The following PTN variants were observed in gnomAD, a reference collection of about 807,000 sequenced individuals.
PTN encodes the protein heparin affin regulatory protein.
Under a neutral mutation model 24.1 loss-of-function variants are expected in PTN, and 18 were observed. The ratio of observed to expected loss-of-function variants is 0.75; its 90% CI spans 0.52 to 1.11. The LOEUF (loss-of-function observed/expected upper bound fraction) is 1.11. Ranked by LOEUF, PTN falls within the 50% of genes least tolerant of loss-of-function variation. The pLI is 0.00. For missense variants in PTN, 163 were observed against 198.8 expected (o/e 0.82, Z 1.08); for synonymous variants, 78 against 68.6 (o/e 1.14, Z -0.67).
At chr7:137,255,027 G>A (rs1808896819) in intron 1 of PTN, 53 bp from the exon 2 acceptor site, 3 of 1,310,944 alleles carry the variant, frequency 2.3e-6, no homozygotes, top group East Asian at 2.4e-5. Flanking sequence ...AGTCAGAAAG[G>A]AAGATTCATT....
intron 1 of PTN, among the ~76,000 whole-genome samples, chr7:137,262,231 T>C (rs1809052924): frequency 6.6e-6 from 1 of 152,198 alleles, no homozygotes; most frequent in Non-Finnish European, 1.5e-5. Flanking sequence ...TTTGCTTATT[T>C]TCAATATTTG....
At chr7:137,264,804 T>C (rs1057478182) in intron 1 of PTN, among the ~76,000 whole-genome samples, 1 of 152,212 alleles carries the variant, frequency 6.6e-6, no homozygotes, top group Non-Finnish European at 1.5e-5. Context: ...GGGGGGACTT[T>C]AGGTTTTGCC....
At chr7:137,326,378 G>T (rs1810262280) in intron 1 of PTN, 2 of 152,232 alleles carry the variant, frequency 1.3e-5, no homozygotes, top group Non-Finnish European at 2.9e-5. Context: ...ACATCTCATT[G>T]TTTACTCACC....
chr7:137,310,390 G>GTTTTTTTTTTTTTTTTTTTT (rs36009703), intron 1 of PTN, among the ~76,000 whole-genome samples: 1 of 137,204 alleles, frequency 7.3e-6, no homozygotes. Flanking sequence ...AAGTTACCAT[G>GTTTTTTTTTTTTTTTTTTTT]TTTTTTTTTT....
rs143121620 is a variant in PTN at position 137,337,397 on chromosome 7, C to T, written c.-2+6042G>A. On this transcript the variant is annotated intron_variant, in intron 1 of 4. Transcript: ENST00000348225. ...ATATGGCCCCCTTAACTTCTCTAAG[C>T]CTGCATTTCTGTATCAATTTTTTAA... Among the ~76,000 whole-genome samples the T allele has an allele frequency of 3.9e-3, 600 of 152,164 alleles. 6 individuals are homozygous for T. The highest frequency in any genetic ancestry group is 0.014 in the African/African-American group (583 of 41,528).
At chr7:137,314,619 G>A (rs1265639846) in intron 1 of PTN, among the ~76,000 whole-genome samples, 1 of 91,434 alleles carries the variant, frequency 1.1e-5, no homozygotes, top group Non-Finnish European at 2.1e-5. Flanking sequence ...TTTTTAGAGA[G>A]TCTCGCCCTC....
intron 1 of PTN, among the ~76,000 whole-genome samples, chr7:137,337,068 G>A (rs1810461196): frequency 6.6e-6 from 1 of 152,162 alleles, no homozygotes; most frequent in East Asian, 1.9e-4. Flanking sequence ...GTATCCACAT[G>A]CCCTGTCGTA....
intron 2 of PTN, among the ~76,000 whole-genome samples, 187 bp from the exon 3 acceptor site, chr7:137,253,824 AAGAG>A (rs561724504): frequency 5.9e-5 from 9 of 152,312 alleles, no homozygotes; most frequent in African/African-American, 1.9e-4. Context: ...TGATCAAGAG[AAGAG>A]AGAAAGAAAA....
chr7:137,339,181 T>C (rs1810494264), intron 1 of PTN, among the ~76,000 whole-genome samples: 1 of 151,964 alleles, frequency 6.6e-6, no homozygotes, highest in South Asian at 2.1e-4. Flanking sequence ...TTTCCAGAGA[T>C]GGGTGAGGGT....
chr7:137,282,455 T>C (rs571791511), intron 1 of PTN, among the ~76,000 whole-genome samples: 1 of 151,962 alleles, frequency 6.6e-6, no homozygotes, highest in East Asian at 1.9e-4. Context: ...AATGAGGAGG[T>C]AGGTGTACAA....
intron 1 of PTN, among the ~76,000 whole-genome samples, chr7:137,265,572 G>T (rs566801545): frequency 1.3e-5 from 2 of 152,360 alleles, no homozygotes; most frequent in East Asian, 3.9e-4. Context: ...GCCCTCAGGG[G>T]CTGACCCGCA....
At chr7:137,229,248 T>C (rs1160973369) in intron 4 of PTN, among the ~76,000 whole-genome samples, 1 of 151,750 alleles carries the variant, frequency 6.6e-6, no homozygotes, top group Non-Finnish European at 1.5e-5. Context: ...CCCTGTATAA[T>C]TAAAATCCTT....
intron 1 of PTN, among the ~76,000 whole-genome samples, chr7:137,309,209 TTA>T (rs1308628726): frequency 6.6e-6 from 1 of 152,182 alleles, no homozygotes; most frequent in Non-Finnish European, 1.5e-5. Flanking sequence ...CATACAAAAT[TTA>T]TGTTTACACT....
At chr7:137,271,863 C>T (rs559612898) in intron 1 of PTN, among the ~76,000 whole-genome samples, 5 of 152,290 alleles carry the variant, frequency 3.3e-5, no homozygotes, top group African/African-American at 9.6e-5. Flanking sequence ...TAGCAATCGA[C>T]GTGGGTATAA....
intron 1 of PTN, among the ~76,000 whole-genome samples, chr7:137,270,155 A>G (rs960593054): frequency 6.6e-6 from 1 of 152,204 alleles, no homozygotes; most frequent in Non-Finnish European, 1.5e-5. Flanking sequence ...GTGACAGATA[A>G]ATAGCCAATT....
chr7:137,291,039 C>G (rs1809631119), intron 1 of PTN, among the ~76,000 whole-genome samples: 1 of 151,988 alleles, frequency 6.6e-6, no homozygotes, highest in South Asian at 2.1e-4. Flanking sequence ...TTGTCAATAA[C>G]CAATATGGGA....
intron 2 of PTN, 109 bp downstream of exon 2, chr7:137,254,750 G>A (rs1808889682): frequency 1.7e-6 from 1 of 597,604 alleles, no homozygotes; most frequent in South Asian, 5.3e-5. Context: ...AGGAATAGAG[G>A]AATAGGAAGG....
chr7:137,255,043 C>CT (rs1808897180), intron 1 of PTN, 69 bp from the exon 2 acceptor site: 2 of 1,109,928 alleles, frequency 1.8e-6, no homozygotes, highest in Non-Finnish European at 2.5e-6. Context: ...TCATTGAACC[C>CT]TTGATGAAAA....
intron 1 of PTN, among the ~76,000 whole-genome samples, chr7:137,270,283 G>A (rs1406606646): frequency 6.6e-6 from 1 of 152,128 alleles, no homozygotes; most frequent in Non-Finnish European, 1.5e-5. Flanking sequence ...ATTCAGTTAA[G>A]GCCAAAGATT....
Sources: gnomAD v4.1 joint callset for allele counts (sites outside exome capture counted in the v4.1 genomes callset) on GRCh38, gnomAD v4.1.1 for gene constraint, MANE v1.5 for transcripts, NCBI Gene and HGNC (gene_info 2026-07-23, HGNC 2026-07-21) for gene names.